ANKRD55: variants seen among roughly 807,000 people sequenced by gnomAD.
ANKRD55 encodes ankyrin repeat domain 55, also known as ankyrin repeat domain-containing protein 55.
ANKRD55 carries 41 observed loss-of-function variants against 60.6 expected under a neutral mutation model. That is an observed-to-expected ratio of 0.68 (90% CI 0.53 to 0.88). The LOEUF is 0.88. Among genes scored for constraint, ANKRD55 ranks in the 40% least tolerant of loss-of-function variants. ANKRD55 has a pLI of 0.00. For synonymous variants in ANKRD55, 264 were observed against 290.3 expected, an observed-to-expected ratio of 0.91 and a Z score of 0.92; for missense variants, 732 against 767.6, an observed-to-expected ratio of 0.95 and a Z score of 0.55.
chr5:56,157,743 G>A (rs1203209413), intron 6 of ANKRD55, among the ~76,000 whole-genome samples: 1 of 152,008 alleles, frequency 6.6e-6, no homozygotes, highest in African/African-American at 2.4e-5. Context: ...TTACCCTATT[G>A]TCCTGCCACA....
At chr5:56,182,584 G>A (rs184950597) in intron 3 of ANKRD55, among the ~76,000 whole-genome samples, 37 of 152,188 alleles carry the variant, frequency 2.4e-4, no homozygotes, top group East Asian at 1.9e-3. Flanking sequence ...ATTGGCATCT[G>A]TTGATTATTT....
At position 56,116,709 on chromosome 5, in the gene ANKRD55, T is replaced by C. The variant is rs762181145; in HGVS notation, c.871A>G (p.Ser291Gly). Residue 291 changes from serine (S) to glycine (G), a missense_variant, in exon 9 of 12, where the codon AGC (serine) becomes GGC (glycine). By Grantham distance (56) the Ser-to-Gly change is moderately conservative. Coordinates refer to ENST00000341048, the MANE Select transcript of ANKRD55 (RefSeq NM_024669.3). ...CTCTCATTGATGTCCCGCAGGTTGC[T>C]GTCCATTCCCAACTCCAGCAGTGAC... Reference protein sequence around the residue: ...VQSLLELGMDSNLRDINESTP... With the variant: ...VQSLLELGMDGNLRDINESTP... 112 of 1,613,996 alleles carry C rather than the reference T, an allele frequency of 6.9e-5. No individual in the cohort carries two copies. In the South Asian group the frequency reaches 1.1e-3, roughly 16 times the overall value.
intron 8 of ANKRD55, among the ~76,000 whole-genome samples, chr5:56,122,977 G>A (rs944463725): frequency 6.6e-6 from 1 of 151,890 alleles, no homozygotes; most frequent in African/African-American, 2.4e-5. Flanking sequence ...TGTTGCCAAG[G>A]CTGCTCTCGA....
intron 6 of ANKRD55, 138 bp from the exon 7 acceptor site, chr5:56,144,067 T>C: frequency 8.9e-7 from 1 of 1,128,768 alleles, no homozygotes. Context: ...CATTCATTCA[T>C]TAATCCATTC....
At position 56,102,522 on chromosome 5, in the gene ANKRD55, G is replaced by C. The variant is rs750839304; in HGVS notation, c.1695C>G (p.Asn565Lys). ...HKIRDLPFTR[N>K]NLAPLPDQKF... ...TTTGATCTGGTAGGGGAGCTAGGTTGTTCCGAGTGAAAGGAAGATCCCTGA... is the reference window on the plus strand; with the variant it reads ...TTTGATCTGGTAGGGGAGCTAGGTTCTTCCGAGTGAAAGGAAGATCCCTGA... The change falls in exon 11 of 12, where the codon AAC (asparagine) becomes AAG (lysine). Residue 565 changes from asparagine (N) to lysine (K), a missense_variant. This residue lies in a region of ANKRD55 where 597 missense variants were observed against 607.5 expected (regional missense o/e 0.98). Transcript: ENST00000341048. The C allele has an allele frequency of 4.3e-6, 7 of 1,613,714 alleles. No homozygotes were observed. The highest frequency in any genetic ancestry group is 4.2e-6 in the Non-Finnish European group (5 of 1,179,704).
chr5:56,150,791 C>T (rs939442553), intron 6 of ANKRD55, among the ~76,000 whole-genome samples: 1 of 151,556 alleles, frequency 6.6e-6, no homozygotes, highest in African/African-American at 2.4e-5. Context: ...CCCAGCTACT[C>T]GGTAGGCTGA....
intron 3 of ANKRD55, among the ~76,000 whole-genome samples, chr5:56,177,093 G>A (rs1409238522): frequency 2.6e-5 from 4 of 152,134 alleles, no homozygotes; most frequent in African/African-American, 2.4e-5. Flanking sequence ...AAAGAACACC[G>A]AGTTCAGAGT....
Position 56,176,057 on chromosome 5 carries a change from A to G in ANKRD55, c.312+95T>C, listed in dbSNP as rs917631727. The G allele has an allele frequency of 1.4e-5, 21 of 1,499,638 alleles. No homozygotes were observed. The South Asian group carries it at 2.5e-4, about 18-fold the overall frequency. 92.9% of individuals were successfully genotyped at this position (1,499,638 alleles called of 1,614,324 possible). On this transcript the variant is annotated intron_variant, in intron 4 of 11. Coordinates refer to ENST00000341048, the MANE Select transcript of ANKRD55 (RefSeq NM_024669.3). ...AGTTCCAGCTCCTTTAGCCAGCTGC[A>G]TAGATCCAAGAATGCTCCTTTGCAA...
chr5:56,135,290 G>GCCTGCCTGCCTGCCTGCTTT, intron 7 of ANKRD55, among the ~76,000 whole-genome samples: 1 of 69,330 alleles, frequency 1.4e-5, no homozygotes, highest in East Asian at 4.3e-4. Flanking sequence ...CTGCCTGCCT[G>GCCTGCCTGCCTGCCTGCTTT]CTTGCTTTCT....
Position 56,143,885 on chromosome 5 carries a change from T to A in ANKRD55, c.528A>T (p.Gln176His). ...CCTTCTTCAGCAGCATTTGTGTGTG[T>A]TGAGGCTGGTTGTGGAAAGCCGCCC... ...LHWAAFHNQP[Q>H]HTQMLLKKGA... is the part of the protein sequence containing the mutation. The change falls in exon 7 of 12, where the codon CAA (glutamine) becomes CAT (histidine). Residue 176 changes from glutamine to histidine, a missense_variant. This residue lies in a region of ANKRD55 where 597 missense variants were observed against 607.5 expected (regional missense o/e 0.98). Transcript: ENST00000341048. The A allele has an allele frequency of 6.2e-7, 1 of 1,614,136 alleles. No individual in the cohort carries two copies. Among genetic ancestry groups the A allele is most frequent in the East Asian group, 2.2e-5 (1 of 44,878 alleles).
chr5:56,233,229 T>A lies in ANKRD55; in HGVS notation c.-34+12A>T. ...ACTCCAAAAAGATAGTAAAATTGTA[T>A]GGGCCACCTGCCTTGGATCTGGGCT... On this transcript the variant is annotated intron_variant, in intron 1 of 11. Transcript: ENST00000341048. 3.1e-6 allele frequency: 1 copy of A among 323,942 alleles called. No homozygotes were observed. Among genetic ancestry groups the A allele is most frequent in the Non-Finnish European group, 5.8e-6 (1 of 173,882 alleles). 20.1% of individuals were successfully genotyped at this position (323,942 alleles called of 1,614,324 possible).
At chr5:56,208,852 G>T (rs1365802179) in intron 2 of ANKRD55, among the ~76,000 whole-genome samples, 1 of 152,076 alleles carries the variant, frequency 6.6e-6, no homozygotes, top group African/African-American at 2.4e-5. Flanking sequence ...GACAGAAAAC[G>T]TTCAGTTCCA....
Position 56,102,569 on chromosome 5 carries a change from G to C in ANKRD55, c.1648C>G (p.Leu550Val). 6.2e-7 allele frequency: 1 copy of C among 1,613,378 alleles called. No individual in the cohort carries two copies. The highest frequency in any genetic ancestry group is 8.5e-7 in the Non-Finnish European group (1 of 1,179,522). Residue 550 changes from leucine to valine, a missense_variant, in exon 11 of 12, where the codon CTT (leucine) becomes GTT (valine). Coordinates refer to ENST00000341048, the MANE Select transcript of ANKRD55 (RefSeq NM_024669.3). ...CTGATTTTGTGTCTGTTTGGGGAAA[G>C]ATGCTGAAAATTTTGTCCTGAAGAT... ...NPSSGQNFQH[L>V]SPNRHKIRDL... is the part of the protein sequence containing the mutation.
Position 56,219,754 on chromosome 5 carries a change from C to T in ANKRD55, c.58+13102G>A, listed in dbSNP as rs11750353. On this transcript the variant is annotated intron_variant, in intron 2 of 11. Coordinates refer to ENST00000341048, the MANE Select transcript of ANKRD55 (RefSeq NM_024669.3). ...GCACGAACCTTTGACCTCAGTGCAT[C>T]CATACCCTCACCTTCTCACCTTGTC... 6.7e-3 allele frequency among the ~76,000 whole-genome samples: 1,016 copies of T among 152,326 alleles called. 4 individuals carry two copies. The highest frequency in any genetic ancestry group is 0.011 in the Non-Finnish European group (731 of 68,026).
chr5:56,135,277 TCCC>T (rs1561263866), intron 7 of ANKRD55, among the ~76,000 whole-genome samples: 5 of 99,356 alleles, frequency 5.0e-5, no homozygotes, highest in Non-Finnish European at 8.2e-5. Context: ...CCTCCCTCCC[TCCC>T]TGCCTGCCTG....
chr5:56,148,256 C>T (rs1028238724), intron 6 of ANKRD55, among the ~76,000 whole-genome samples: 1 of 152,168 alleles, frequency 6.6e-6, no homozygotes, highest in Non-Finnish European at 1.5e-5. Context: ...CCTGGAGTTT[C>T]ACTGAGGGAT....
At chr5:56,193,164 G>T in intron 2 of ANKRD55, 1 of 685,924 alleles carries the variant, frequency 1.5e-6, no homozygotes, top group Non-Finnish European at 2.5e-6. Context: ...AAACAGGGCT[G>T]TATGAGTGGA....
intron 7 of ANKRD55, among the ~76,000 whole-genome samples, chr5:56,138,127 C>CTTT (rs70995774): frequency 6.9e-5 from 9 of 129,830 alleles, no homozygotes; most frequent in African/African-American, 1.4e-4. Context: ...GTTTCTTTTT[C>CTTT]TTTTTTTTTT....
chr5:56,124,271 A>G (rs1757168132), intron 8 of ANKRD55, among the ~76,000 whole-genome samples: 1 of 152,112 alleles, frequency 6.6e-6, no homozygotes, highest in South Asian at 2.1e-4. Context: ...AAGTACTACA[A>G]TGTTTTAAGT....
Sources: gnomAD v4.1 joint callset for allele counts (sites outside exome capture counted in the v4.1 genomes callset) on GRCh38, gnomAD v4.1.1 for gene constraint, gnomAD v4.1.1 regional missense constraint, MANE v1.5 for transcripts, NCBI Gene and HGNC (gene_info 2026-07-23, HGNC 2026-07-21) for gene names.